Variants in LINC00305 observed in about 807,000 individuals in gnomAD.
The protein encoded by LINC00305 is long intergenic non-protein coding RNA 305.
At chr18:64,107,230 G>T (rs1195778290) in intron 1 of LINC00305, among the ~76,000 whole-genome samples, 1 of 152,182 alleles carries the variant, frequency 6.6e-6, no homozygotes, top group East Asian at 1.9e-4. Flanking sequence ...GACTAACCTC[G>T]ACTGTTCTGG....
At chr18:64,106,420 C>T (rs1279063100) in intron 1 of LINC00305, among the ~76,000 whole-genome samples, 1 of 152,152 alleles carries the variant, frequency 6.6e-6, no homozygotes, top group Non-Finnish European at 1.5e-5. Flanking sequence ...CCTTTACAAA[C>T]TTAGATCTAT....
chr18:64,125,968 T>C (rs1318265020), intron 1 of LINC00305, among the ~76,000 whole-genome samples: 3 of 152,052 alleles, frequency 2.0e-5, no homozygotes, highest in African/African-American at 7.2e-5. Context: ...TTCCTTGATC[T>C]TGGGCTTCTC....
At chr18:64,143,876 A>T (rs1046842939) in intron 1 of LINC00305, among the ~76,000 whole-genome samples, 1 of 152,102 alleles carries the variant, frequency 6.6e-6, no homozygotes, top group Non-Finnish European at 1.5e-5. Flanking sequence ...ACATATATGT[A>T]TACATGTATA....
chr18:64,107,919 C>T (rs2051298168), intron 1 of LINC00305, among the ~76,000 whole-genome samples: 2 of 152,122 alleles, frequency 1.3e-5, no homozygotes, highest in African/African-American at 4.8e-5. Flanking sequence ...AGGCTCAGGC[C>T]ATTGAAGGTG....
At chr18:64,131,242 T>C (rs1234314718) in intron 1 of LINC00305, among the ~76,000 whole-genome samples, 1 of 152,242 alleles carries the variant, frequency 6.6e-6, no homozygotes, top group Admixed American at 6.5e-5. Flanking sequence ...ACGTTGGAAC[T>C]ACATGCTACC....
intron 1 of LINC00305, among the ~76,000 whole-genome samples, chr18:64,109,884 T>C (rs962112189): frequency 2.0e-5 from 3 of 152,260 alleles, no homozygotes; most frequent in Admixed American, 6.5e-5. Context: ...GTCCAACCTG[T>C]GGCCTGTGGG....
chr18:64,098,047 A>G (rs2051252310), intron 2 of LINC00305: 1 of 455,268 alleles, frequency 2.2e-6, no homozygotes, highest in Non-Finnish European at 4.4e-6. Context: ...ACTAACCAAC[A>G]ACAAAATTAA....
chr18:64,131,848 G>A (rs1343891304), intron 1 of LINC00305, among the ~76,000 whole-genome samples: 1 of 152,154 alleles, frequency 6.6e-6, no homozygotes, highest in Non-Finnish European at 1.5e-5. Flanking sequence ...CTCCAGAAGT[G>A]TCATCAGAAA....
chr18:64,143,407 A>G (rs554346415), intron 1 of LINC00305, among the ~76,000 whole-genome samples: 5 of 150,596 alleles, frequency 3.3e-5, no homozygotes, highest in Admixed American at 1.3e-4. Flanking sequence ...GTGTGTGTGT[A>G]TATATATATA....
At chr18:64,104,485 C>T (rs1333033912) in intron 1 of LINC00305, among the ~76,000 whole-genome samples, 1 of 152,186 alleles carries the variant, frequency 6.6e-6, no homozygotes, top group Non-Finnish European at 1.5e-5. Flanking sequence ...CAACCTGCAC[C>T]TTAATCAATT....
intron 1 of LINC00305, among the ~76,000 whole-genome samples, chr18:64,132,419 T>C (rs2051413763): frequency 6.6e-6 from 1 of 152,236 alleles, no homozygotes; most frequent in Non-Finnish European, 1.5e-5. Context: ...TTATATTAAT[T>C]ATTTGCACAT....
chr18:64,116,585 C>T lies in LINC00305; in HGVS notation n.315-17945G>A, dbSNP rs113252126. Among the ~76,000 whole-genome samples the T allele has an allele frequency of 8.2e-3, 1,237 of 151,222 alleles. 16 individuals are homozygous for T. Among genetic ancestry groups the T allele is most frequent in the African/African-American group, 0.029 (1,181 of 41,192 alleles). ...TGTTTCTTTTCTTTTCCTTTTTTTCCGGCTTTATTTTGGTGTAATTGACAA... is the reference window on the plus strand; with the variant it reads ...TGTTTCTTTTCTTTTCCTTTTTTTCTGGCTTTATTTTGGTGTAATTGACAA... On this transcript the variant is annotated intron_variant and non_coding_transcript_variant, in intron 1 of 3. Coordinates refer to ENST00000666468, the Ensembl canonical transcript of LINC00305.
chr18:64,086,367 G>A (rs2051203509), intron 3 of LINC00305, among the ~76,000 whole-genome samples: 1 of 152,180 alleles, frequency 6.6e-6, no homozygotes. Context: ...TCTGACCACA[G>A]TGGGGGACAC....
chr18:64,133,613 T>A (rs1340992807), intron 1 of LINC00305, among the ~76,000 whole-genome samples: 1 of 152,186 alleles, frequency 6.6e-6, no homozygotes, highest in African/African-American at 2.4e-5. Flanking sequence ...TGGAGTGTCC[T>A]AAGTGAGCAT....
chr18:64,139,952 C>T (rs2051453490), intron 1 of LINC00305, among the ~76,000 whole-genome samples: 1 of 152,152 alleles, frequency 6.6e-6, no homozygotes, highest in South Asian at 2.1e-4. Context: ...CCTCCATCCT[C>T]CCTCTTGCCC....
intron 1 of LINC00305, among the ~76,000 whole-genome samples, chr18:64,142,836 G>GT (rs1410464847): frequency 6.6e-6 from 1 of 152,124 alleles, no homozygotes; most frequent in Non-Finnish European, 1.5e-5. Flanking sequence ...GAATGAATAA[G>GT]TAAAACGAGA....
chr18:64,108,775 C>A (rs2051302685), intron 1 of LINC00305, among the ~76,000 whole-genome samples: 1 of 152,108 alleles, frequency 6.6e-6, no homozygotes, highest in Non-Finnish European at 1.5e-5. Flanking sequence ...CAGTTGGCTC[C>A]AATACATACT....
chr18:64,114,355 C>G (rs1275977111), intron 1 of LINC00305, among the ~76,000 whole-genome samples: 1 of 152,072 alleles, frequency 6.6e-6, no homozygotes, highest in African/African-American at 2.4e-5. Context: ...GGGGAGGAGA[C>G]GGGTGCCTCA....
intron 1 of LINC00305, among the ~76,000 whole-genome samples, chr18:64,105,090 GA>G (rs201240798): frequency 0.012 from 1,842 of 151,322 alleles, 34 homozygotes; most frequent in African/African-American, 0.043. Context: ...AAAAGAGTCA[GA>G]AAAAAAAGGA....
Sources: gnomAD v4.1 joint callset for allele counts (sites outside exome capture counted in the v4.1 genomes callset) on GRCh38, gnomAD v4.1.1 for gene constraint, MANE v1.5 for transcripts, NCBI Gene and HGNC (gene_info 2026-07-23, HGNC 2026-07-21) for gene names.